Variants in AHNAK observed in about 807,000 individuals in gnomAD.
The protein encoded by AHNAK is AHNAK nucleoprotein, also known as neuroblast differentiation-associated protein AHNAK.
A neutral mutation model predicts 37.8 loss-of-function variants in AHNAK; 23 were observed. The ratio of observed to expected loss-of-function variants is 0.61; its 90% CI spans 0.44 to 0.86. AHNAK has a LOEUF of 0.86. Among genes scored for constraint, AHNAK ranks in the 40% least tolerant of loss-of-function variants. The probability of loss-of-function intolerance (pLI) is 0.00; values close to 1 mark genes in which losing one functional copy is unlikely to be tolerated. For synonymous variants in AHNAK, 2,481 were observed against 2,636.3 expected, an observed-to-expected ratio of 0.94 and a Z score of 1.80; for missense variants, 7,411 against 7,319.4, an observed-to-expected ratio of 1.01 and a Z score of -0.46.
chr11:62,538,814 G>T (rs1941034151), intron 1 of AHNAK, among the ~76,000 whole-genome samples: 1 of 152,240 alleles, frequency 6.6e-6, no homozygotes, highest in Admixed American at 6.5e-5. Context: ...AGGCTTGGGA[G>T]CCTTCTAGGG....
chr11:62,509,805 C>A (rs1274778466), intron 4 of AHNAK, among the ~76,000 whole-genome samples: 3 of 151,944 alleles, frequency 2.0e-5, no homozygotes, highest in Admixed American at 1.3e-4. Context: ...GTAATCCCAG[C>A]CACTCAGGAG....
chr11:62,520,178 C>T lies in AHNAK; in HGVS notation c.14239G>A (p.Glu4747Lys). 1.2e-6 allele frequency: 2 copies of T among 1,613,650 alleles called. No homozygotes were observed. The highest frequency in any genetic ancestry group is 1.7e-6 in the Non-Finnish European group (2 of 1,179,966). The stretch of plus-strand genomic sequence containing the variant: ...GCTTCTGGGCCCTTGAGGTCACCTT[C>T]CACTTTAGGAAGGGTAACATCCACA... ...GDVDVTLPKV[E>K]GDLKGPEADI... The change falls in exon 5 of 5, where the codon GAA becomes AAA. Residue 4747 changes from glutamate to lysine, a missense_variant. Transcript: ENST00000378024.
At chr11:62,505,612 T>A (rs1939795975) in intron 4 of AHNAK, among the ~76,000 whole-genome samples, 2 of 152,092 alleles carry the variant, frequency 1.3e-5, no homozygotes, top group African/African-American at 4.8e-5. Flanking sequence ...CCTTTCTCCC[T>A]GTGAGTCCTC....
chr11:62,461,086 C>T (rs188737492), intron 5 of AHNAK, among the ~76,000 whole-genome samples: 1,780 of 148,522 alleles, frequency 0.012, 29 homozygotes, highest in African/African-American at 0.042. Context: ...CCGCCCGCCT[C>T]GGCCTCCCAA....
At chr11:62,442,062 G>A (rs10897276) in intron 5 of AHNAK, among the ~76,000 whole-genome samples, 81,039 of 151,990 alleles carry the variant, frequency 0.53, 22,256 homozygotes, top group South Asian at 0.71. Context: ...CCATCATACA[G>A]AAAGATTTAT....
In AHNAK at chr11:62,524,134, T is replaced by C; in HGVS notation, c.10283A>G (p.Lys3428Arg). ...PDVELNLKSP[K>R]VKGDLDIAGP... is the part of the protein sequence containing the mutation. The stretch of plus-strand genomic sequence containing the variant: ...TGCAATATCTAAGTCTCCTTTGACT[T>C]TGGGACTTTTCAAATTTAGCTCCAC... The change falls in exon 5 of 5, where the codon AAA (lysine) becomes AGA (arginine). Residue 3428 changes from lysine (K) to arginine (R), a missense_variant. By Grantham distance (26) the Lys-to-Arg change is conservative. Transcript: ENST00000378024. The C allele has an allele frequency of 6.2e-7, 1 of 1,614,124 alleles. No homozygotes were observed. Among genetic ancestry groups the C allele is most frequent in the South Asian group, 1.1e-5 (1 of 91,076 alleles).
At chr11:62,480,827 A>AAAAAAAAAAAAAAAG in intron 5 of AHNAK, among the ~76,000 whole-genome samples, 1 of 120,886 alleles carries the variant, frequency 8.3e-6, no homozygotes, top group Non-Finnish European at 1.7e-5. Context: ...AAAAAAAAAA[A>AAAAAAAAAAAAAAAG]CCTGGATTTG....
At chr11:62,496,777 AGAGG>A (rs1356129309) in intron 4 of AHNAK, among the ~76,000 whole-genome samples, 1 of 151,578 alleles carries the variant, frequency 6.6e-6, no homozygotes, top group Non-Finnish European at 1.5e-5. Context: ...CCTGAGCAGC[AGAGG>A]GAGGGAGACT....
Position 62,532,570 on chromosome 11 carries a change from T to G in AHNAK, c.1847A>C (p.Asp616Ala), listed in dbSNP as rs762598267. 2 of 1,614,196 alleles carry G rather than the reference T, an allele frequency of 1.2e-6. No homozygotes were observed. The highest frequency in any genetic ancestry group is 2.2e-5 in the South Asian group (2 of 91,088). Reference sequence around the variant, plus strand: ...CCATTCTGGGCCATGCGCTTCGACATCTGGGGCACTGACATCCACTTTGGG... The same window carrying G: ...CCATTCTGGGCCATGCGCTTCGACAGCTGGGGCACTGACATCCACTTTGGG... ...RGPKVDVSAP[D>A]VEAHGPEWNL... Residue 616 changes from aspartate (D) to alanine (A), a missense_variant, in exon 5 of 5, where the codon GAT becomes GCT. Asp to Ala is a moderately radical substitution (Grantham distance 126, BLOSUM62 -2). Coordinates refer to ENST00000378024, the MANE Select transcript of AHNAK (RefSeq NM_001620.3).
chr11:62,481,370 G>A (rs1234678200), intron 5 of AHNAK, among the ~76,000 whole-genome samples: 4 of 151,924 alleles, frequency 2.6e-5, no homozygotes, highest in Non-Finnish European at 5.9e-5. Flanking sequence ...GCCTCCCAGA[G>A]TGCTGGGACT....
rs114130300 is a variant in AHNAK at position 62,536,855 on chromosome 11, G to A, written c.-99-288C>T. On this transcript the variant is annotated intron_variant, in intron 1 of 4. Coordinates refer to ENST00000378024, the MANE Select transcript of AHNAK (RefSeq NM_001620.3). ...CCTCCATTTCCTCATCTGTGAAAAT[G>A]GAGGCAATAAAGGAGAAAAAATAGA... is the stretch of plus-strand genomic sequence containing the variant. Among the ~76,000 whole-genome samples, 336 of 152,302 alleles carry A rather than the reference G, an allele frequency of 2.2e-3. 3 individuals carry two copies. Among genetic ancestry groups the A allele is most frequent in the African/African-American group, 7.7e-3 (320 of 41,564 alleles).
chr11:62,485,597 G>A (rs1939374137), intron 5 of AHNAK, among the ~76,000 whole-genome samples: 1 of 151,380 alleles, frequency 6.6e-6, no homozygotes, highest in Non-Finnish European at 1.5e-5. Context: ...AGCTACTCAG[G>A]AGGCTGAGGC....
chr11:62,434,932 CAAAAA>C (rs55712038), intron 5 of AHNAK, among the ~76,000 whole-genome samples: 4 of 84,380 alleles, frequency 4.7e-5, no homozygotes, highest in East Asian at 4.7e-4. Context: ...GACCCTGTCT[CAAAAA>C]AAAAAAAAAA....
chr11:62,515,418 G>T (rs974802047), downstream of AHNAK, among the ~76,000 whole-genome samples: 24 of 152,228 alleles, frequency 1.6e-4, no homozygotes, highest in African/African-American at 5.5e-4. Flanking sequence ...TCGGGAGGCT[G>T]AGGCAGGAAA....
intron 5 of AHNAK, among the ~76,000 whole-genome samples, chr11:62,485,701 C>CAAAAAAAAAAAA (rs1286819688): frequency 3.8e-5 from 2 of 51,960 alleles, no homozygotes; most frequent in African/African-American, 5.8e-5. Flanking sequence ...GACTCCATCT[C>CAAAAAAAAAAAA]AAAAAAAAAA....
intron 5 of AHNAK, among the ~76,000 whole-genome samples, chr11:62,434,870 G>A (rs190417640): frequency 1.7e-4 from 24 of 144,108 alleles, no homozygotes; most frequent in African/African-American, 5.7e-4. Context: ...GGCAGAGGTT[G>A]CACAGTGATC....
chr11:62,534,505 A>C (rs971941321), intron 4 of AHNAK, among the ~76,000 whole-genome samples: 4 of 152,196 alleles, frequency 2.6e-5, no homozygotes, highest in African/African-American at 9.6e-5. Context: ...CGTTGAGCCT[A>C]AGAGACTGGT....
At chr11:62,448,997 G>A (rs1348738381) in intron 5 of AHNAK, among the ~76,000 whole-genome samples, 1 of 152,132 alleles carries the variant, frequency 6.6e-6, no homozygotes, top group African/African-American at 2.4e-5. Flanking sequence ...GAACCCCGGA[G>A]GCAGAGGCTG....
chr11:62,439,785 A>G (rs936376633), intron 5 of AHNAK, among the ~76,000 whole-genome samples: 3 of 148,832 alleles, frequency 2.0e-5, no homozygotes, highest in Non-Finnish European at 4.4e-5. Context: ...TTCCTGCCTC[A>G]GCCTCCCGAG....
Sources: allele counts gnomAD v4.1 joint callset (sites outside exome capture counted in the v4.1 genomes callset), GRCh38; gene constraint gnomAD v4.1.1; transcripts MANE v1.5; gene names NCBI Gene and HGNC (gene_info 2026-07-23, HGNC 2026-07-21).